Variants in PPT1 observed in about 807,000 individuals in gnomAD.
PPT1 encodes the protein ceroid-palmitoyl-palmitoyl-protein thioesterase 1.
PPT1 carries 24 observed loss-of-function variants against 44.0 expected under a neutral mutation model. The observed-to-expected ratio is 0.54, with a 90% CI of 0.39 to 0.77. PPT1 has a LOEUF of 0.77. Ranked by LOEUF, PPT1 falls within the 30% of genes least tolerant of loss-of-function variation. PPT1 has a pLI of 0.00. For synonymous variants in PPT1, 148 were observed against 140.2 expected (o/e 1.06, Z -0.39); for missense variants, 341 against 378.8 (o/e 0.90, Z 0.83).
At chr1:40,083,508 C>T (rs1649093081) in intron 5 of PPT1, among the ~76,000 whole-genome samples, 1 of 151,996 alleles carries the variant, frequency 6.6e-6, no homozygotes, top group South Asian at 2.1e-4. Flanking sequence ...AAAAAACAAA[C>T]AAATATTACA....
intron 8 of PPT1, among the ~76,000 whole-genome samples, chr1:40,075,958 C>CAAAAAAA (rs56338772): frequency 1.4e-4 from 6 of 41,846 alleles, no homozygotes; most frequent in African/African-American, 6.9e-4. Flanking sequence ...AAGACTGTCT[C>CAAAAAAA]AAAAAAAAAA....
In PPT1 at chr1:40,072,808, A is replaced by G. The variant is rs1472278734; in HGVS notation, c.*1253T>C. The G allele has an allele frequency of 6.6e-6, 1 of 152,216 alleles. No homozygotes were observed. The highest frequency in any genetic ancestry group is 1.9e-4 in the East Asian group (1 of 5,198). 9.4% of individuals were successfully genotyped at this position (152,216 alleles called of 1,614,324 possible). A position where few individuals can be genotyped will look rare whatever the true frequency, so the allele number is the denominator to read the frequency against. The stretch of plus-strand genomic sequence containing the variant: ...ATCCTCATCTTTTAGTTGAAGAATA[A>G]GGCTTAAGAGAGAGAAAGGAAAAAC... On this transcript the variant is annotated 3_prime_UTR_variant, in exon 9 of 9. Coordinates refer to ENST00000642050, the MANE Select transcript of PPT1 (RefSeq NM_000310.4).
intron 8 of PPT1, chr1:40,075,284 C>T (rs1648556554): frequency 6.6e-6 from 1 of 152,026 alleles, no homozygotes; most frequent in African/African-American, 2.4e-5. Context: ...CATATCCAAC[C>T]GTTAGGTAAC....
chr1:40,083,740 A>G lies in PPT1; in HGVS notation c.537-3253T>C, dbSNP rs191494961. Among the ~76,000 whole-genome samples, 17 of 152,278 alleles carry G rather than the reference A, an allele frequency of 1.1e-4. No homozygotes were observed. The East Asian group carries it at 3.3e-3, about 29-fold the overall frequency. The stretch of plus-strand genomic sequence containing the variant: ...CTGGGCAAAGTAAACGGAAAACCTG[A>G]TGGAAAGGATTTATCATTCTAGATG... On this transcript the variant is annotated intron_variant, in intron 5 of 8. Transcript: ENST00000642050.
rs1285439931 is a variant in PPT1 at position 40,095,407 on chromosome 1, T to TACTTAAATCTCCAACCC, written c.124+1691_124+1707dup. Reference sequence around the variant, plus strand: ...TACTAGCTGTATGCCGAAGACTCCCTACTTAAATCTCCAACCCGTATCTCT... The same window carrying TACTTAAATCTCCAACCC: ...TACTAGCTGTATGCCGAAGACTCCCTACTTAAATCTCCAACCCACTTAAATCTCCAACCCGTATCTCT... On this transcript the variant is annotated intron_variant, in intron 1 of 8. Transcript: ENST00000642050. Among the ~76,000 whole-genome samples the TACTTAAATCTCCAACCC allele has an allele frequency of 2.0e-5, 3 of 152,118 alleles. No individual in the cohort carries two copies. The South Asian group carries it at 6.2e-4, about 32-fold the overall frequency.
chr1:40,075,958 C>CA lies in PPT1; in HGVS notation c.798+883dup, dbSNP rs56338772. ...CCTGGGTGACAAAGCAAGACTGTCTCAAAAAAAAAAAAAAAAAAAAAAAAA... is the reference window on the plus strand; with the variant it reads ...CCTGGGTGACAAAGCAAGACTGTCTCAAAAAAAAAAAAAAAAAAAAAAAAAA... On this transcript the variant is annotated intron_variant, in intron 8 of 8. Coordinates refer to ENST00000642050, the MANE Select transcript of PPT1 (RefSeq NM_000310.4). Among the ~76,000 whole-genome samples the CA allele has an allele frequency of 3.6e-3, 150 of 41,844 alleles. 12 individuals are homozygous for CA. The highest frequency in any genetic ancestry group is 0.024 in the South Asian group (16 of 676). The allele number at this position is 41,844 out of a possible 152,430, so 27.5% of individuals were successfully genotyped here.
rs56067238 is a variant in PPT1 at position 40,073,673 on chromosome 1, C to G, written c.*388G>C. The G allele has an allele frequency of 8.7e-4, 215 of 246,768 alleles. 2 individuals carry two copies. Among genetic ancestry groups the G allele is most frequent in the Middle Eastern group, 4.5e-3 (3 of 664 alleles). 15.3% of individuals were successfully genotyped at this position (246,768 alleles called of 1,614,324 possible). ...ATGTGAGTACCTCAGGCCTGGGCAC[C>G]TCTTTGCTTGAAATATGGCAAGACT... On this transcript the variant is annotated 3_prime_UTR_variant, in exon 9 of 9. Transcript: ENST00000642050.
chr1:40,086,547 G>A (rs912186987), intron 5 of PPT1, among the ~76,000 whole-genome samples: 3 of 152,096 alleles, frequency 2.0e-5, no homozygotes, highest in Non-Finnish European at 4.4e-5. Context: ...AGGGAGGTGG[G>A]GTATGGTTAG....
downstream of PPT1, chr1:40,072,058 T>A: frequency 2.5e-6 from 1 of 403,224 alleles, no homozygotes; most frequent in Non-Finnish European, 4.4e-6. Flanking sequence ...TAGCATTCCA[T>A]ACAAAATTGT....
chr1:40,093,432 A>AACAG (rs1553167557), intron 1 of PPT1, among the ~76,000 whole-genome samples: 1 of 151,866 alleles, frequency 6.6e-6, no homozygotes, highest in Non-Finnish European at 1.5e-5. Flanking sequence ...GGTGTTGAAA[A>AACAG]AGAAGTGTTA....
chr1:40,077,088 G>C (rs979841994), intron 7 of PPT1, among the ~76,000 whole-genome samples, 175 bp from the exon 8 acceptor site: 1 of 152,246 alleles, frequency 6.6e-6, no homozygotes, highest in Non-Finnish European at 1.5e-5. Context: ...GGTGGAGCCC[G>C]AGGGATGAGT....
downstream of PPT1, chr1:40,072,269 A>T: frequency 4.6e-6 from 1 of 218,060 alleles, no homozygotes; most frequent in Non-Finnish European, 7.3e-6. Flanking sequence ...AAAAAAAAAA[A>T]AACCCACATG....
intron 5 of PPT1, chr1:40,082,208 T>C (rs1041560298): frequency 6.6e-6 from 1 of 152,134 alleles, no homozygotes; most frequent in African/African-American, 2.4e-5. Context: ...GTGGAAGAGC[T>C]GCCCAGAGGC....
intron 4 of PPT1, 100 bp downstream of exon 4, chr1:40,091,229 G>T: frequency 1.6e-6 from 2 of 1,217,538 alleles, no homozygotes; most frequent in Non-Finnish European, 2.4e-6. Flanking sequence ...TTGCAAGAAT[G>T]GCTGATGTCT....
At chr1:40,089,342 G>A (rs1649430408) in intron 5 of PPT1, 68 bp downstream of exon 5, 2 of 1,150,158 alleles carry the variant, frequency 1.7e-6, no homozygotes, top group Non-Finnish European at 2.6e-6. Context: ...ATCACTGTGA[G>A]CATGAAAGTC....
chr1:40,086,775 G>A (rs1649284854), intron 5 of PPT1, among the ~76,000 whole-genome samples: 2 of 151,130 alleles, frequency 1.3e-5, no homozygotes. Flanking sequence ...TGCATGGAGA[G>A]AAAGAAGCAG....
At chr1:40,080,766 T>G (rs1484194781) in intron 5 of PPT1, among the ~76,000 whole-genome samples, 1 of 152,092 alleles carries the variant, frequency 6.6e-6, no homozygotes, top group African/African-American at 2.4e-5. Flanking sequence ...CCTAGCTACT[T>G]GGGAGGCTGA....
chr1:40,089,844 T>C (rs1345668645), intron 4 of PPT1, among the ~76,000 whole-genome samples: 1 of 151,812 alleles, frequency 6.6e-6, no homozygotes, highest in East Asian at 1.9e-4. Flanking sequence ...CCCATTTCCT[T>C]CCCCTCCCCC....
intron 3 of PPT1, 68 bp from the exon 4 acceptor site, chr1:40,091,467 C>T: frequency 7.1e-7 from 1 of 1,402,172 alleles, no homozygotes; most frequent in Non-Finnish European, 1.0e-6. Context: ...ATCAGCATCA[C>T]AGATTAAGCT....
Sources: gnomAD v4.1 joint callset for allele counts (sites outside exome capture counted in the v4.1 genomes callset) on GRCh38, gnomAD v4.1.1 for gene constraint, MANE v1.5 for transcripts, NCBI Gene and HGNC (gene_info 2026-07-23, HGNC 2026-07-21) for gene names.